Variants in DSCAM observed in about 807,000 individuals in gnomAD.
DSCAM encodes DS cell adhesion molecule.
A neutral mutation model predicts 217.7 loss-of-function variants in DSCAM; 47 were observed. The observed-to-expected ratio is 0.22, with a 90% CI of 0.17 to 0.28. The LOEUF is 0.28. Among genes scored for constraint, DSCAM ranks in the 10% least tolerant of loss-of-function variants. DSCAM has a pLI of 1.00. For synonymous variants in DSCAM, 1,056 were observed against 1,015.3 expected (o/e 1.04, Z -0.76); for missense variants, 2,080 against 2,618.3 (o/e 0.79, Z 4.49).
intron 16 of DSCAM, among the ~76,000 whole-genome samples, chr21:40,163,450 A>C (rs549689048): frequency 3.3e-5 from 5 of 152,186 alleles, no homozygotes; most frequent in Non-Finnish European, 7.3e-5. Context: ...ATTTACTTTT[A>C]ATTTTATTCA....
At chr21:40,787,164 C>T (rs9305704) in intron 1 of DSCAM, among the ~76,000 whole-genome samples, 69,553 of 152,112 alleles carry the variant, frequency 0.46, 17,639 homozygotes, top group South Asian at 0.66. Context: ...TGGCAGGTCC[C>T]TACTCAGGGG....
chr21:40,613,498 CAAG>C (rs1382629500), intron 3 of DSCAM, among the ~76,000 whole-genome samples: 2 of 152,054 alleles, frequency 1.3e-5, no homozygotes, highest in African/African-American at 4.8e-5. Context: ...CAAAATTAAA[CAAG>C]AGATTTCTCA....
At chr21:40,079,907 C>T (rs542265869) in intron 25 of DSCAM, among the ~76,000 whole-genome samples, 3 of 152,176 alleles carry the variant, frequency 2.0e-5, no homozygotes, top group East Asian at 2.0e-4. Context: ...TTCACACCAA[C>T]GCCCTTGATT....
chr21:40,758,880 A>T (rs547214250), intron 1 of DSCAM, among the ~76,000 whole-genome samples: 75 of 152,268 alleles, frequency 4.9e-4, no homozygotes, highest in African/African-American at 1.8e-3. Flanking sequence ...CTGACAGATG[A>T]TACATAGTAG....
intron 1 of DSCAM, among the ~76,000 whole-genome samples, chr21:40,715,895 C>T (rs1363605849): frequency 6.6e-6 from 1 of 151,910 alleles, no homozygotes; most frequent in Non-Finnish European, 1.5e-5. Flanking sequence ...CTCTTGTATC[C>T]TAAAAGTAGT....
At chr21:40,457,009 T>C (rs763936594) in intron 3 of DSCAM, among the ~76,000 whole-genome samples, 8 of 152,240 alleles carry the variant, frequency 5.3e-5, no homozygotes, top group Middle Eastern at 3.4e-3. Context: ...CAAAAGTCCA[T>C]AGGACAAAGA....
chr21:40,094,855 A>T (rs1218582420), intron 20 of DSCAM, among the ~76,000 whole-genome samples: 1 of 152,248 alleles, frequency 6.6e-6, no homozygotes, highest in Non-Finnish European at 1.5e-5. Flanking sequence ...AAATTGAAGC[A>T]TGTAGTACTC....
chr21:40,168,015 T>C (rs1380195039), intron 15 of DSCAM, among the ~76,000 whole-genome samples: 1 of 152,090 alleles, frequency 6.6e-6, no homozygotes, highest in African/African-American at 2.4e-5. Context: ...AAGCCGAGAT[T>C]GCGCCACTGC....
chr21:40,372,442 T>C (rs1014665083), intron 3 of DSCAM, among the ~76,000 whole-genome samples: 1 of 147,424 alleles, frequency 6.8e-6, no homozygotes, highest in Non-Finnish European at 1.5e-5. Context: ...TTCTAAAACA[T>C]AGTTCATACT....
chr21:40,256,620 G>C (rs557966137), intron 11 of DSCAM, among the ~76,000 whole-genome samples: 3 of 152,268 alleles, frequency 2.0e-5, no homozygotes, highest in Non-Finnish European at 1.5e-5. Flanking sequence ...TTCTTCCAGG[G>C]ACTTCAGTCT....
At chr21:40,370,252 C>T (rs924202104) in intron 3 of DSCAM, among the ~76,000 whole-genome samples, 1 of 145,928 alleles carries the variant, frequency 6.9e-6, no homozygotes, top group Non-Finnish European at 1.5e-5. Flanking sequence ...TGGTCTTTTA[C>T]TTTAAAAAAA....
Position 40,518,481 on chromosome 21 carries a change from TTATA to T in DSCAM, c.509-149240_509-149237del, listed in dbSNP as rs1453443461. Among the ~76,000 whole-genome samples, 14 of 5,808 alleles carry T rather than the reference TTATA, an allele frequency of 2.4e-3. 2 individuals carry two copies. Among genetic ancestry groups the T allele is most frequent in the African/African-American group, 0.017 (14 of 830 alleles). The allele number at this position is 5,808 out of a possible 152,430, so 3.8% of individuals were successfully genotyped here. ...ATATATAATATATATAATATATATT[TTATA>T]TATATATTATATATTATATATATAA... On this transcript the variant is annotated intron_variant, in intron 3 of 32. Transcript: ENST00000400454.
rs1244263667 is a variant in DSCAM at position 40,170,221 on chromosome 21, C to A, written c.2948-2933G>T. Among the ~76,000 whole-genome samples the A allele has an allele frequency of 3.9e-5, 6 of 152,190 alleles. No individual in the cohort carries two copies. In the East Asian group the frequency reaches 9.6e-4, roughly 24 times the overall value. On this transcript the variant is annotated intron_variant, in intron 15 of 32. Coordinates refer to ENST00000400454, the MANE Select transcript of DSCAM (RefSeq NM_001389.5). ...GTTTGCCGCCCATGCCTGTGAGCCT[C>A]CCGCTGCAGCTGACACCTGCCTAGG...
chr21:40,639,769 A>G (rs1030299341), intron 3 of DSCAM, among the ~76,000 whole-genome samples: 2 of 152,090 alleles, frequency 1.3e-5, no homozygotes, highest in Non-Finnish European at 2.9e-5. Flanking sequence ...GCCCCAGGAG[A>G]AATAAAAGCC....
chr21:40,082,415 G>A (rs866508847), intron 24 of DSCAM, among the ~76,000 whole-genome samples: 7 of 152,138 alleles, frequency 4.6e-5, no homozygotes, highest in Admixed American at 1.3e-4. Flanking sequence ...AGCCGAGATC[G>A]TGCCACTGCA....
rs534916438 is a variant in DSCAM at position 40,346,359 on chromosome 21, C to G, written c.1210+1311G>C. Among the ~76,000 whole-genome samples, 15 of 152,288 alleles carry G rather than the reference C, an allele frequency of 9.8e-5. No homozygotes were observed. The South Asian group carries it at 3.1e-3, about 32-fold the overall frequency. ...AGGAATCTCATTGCTAAACCTGCTACTTCTTAAAAAATTAGCTAAGGTTAA... is the reference window on the plus strand; with the variant it reads ...AGGAATCTCATTGCTAAACCTGCTAGTTCTTAAAAAATTAGCTAAGGTTAA... On this transcript the variant is annotated intron_variant, in intron 6 of 32. Coordinates refer to ENST00000400454, the MANE Select transcript of DSCAM (RefSeq NM_001389.5).
At chr21:40,117,478 G>A (rs186836951) in intron 20 of DSCAM, among the ~76,000 whole-genome samples, 80 of 152,202 alleles carry the variant, frequency 5.3e-4, no homozygotes, top group African/African-American at 1.8e-3. Context: ...GCGTGACCCT[G>A]GCCAGATTGC....
Position 40,142,716 on chromosome 21 carries a change from T to C in DSCAM, c.3260-12A>G, listed in dbSNP as rs376469114. ...GGGGTAACTGGGCACTGAAATCAAATAATTAGAATCTGTAATAACTGTGGG... is the reference window on the plus strand; with the variant it reads ...GGGGTAACTGGGCACTGAAATCAAACAATTAGAATCTGTAATAACTGTGGG... On this transcript the variant is annotated splice_polypyrimidine_tract_variant and intron_variant, in intron 17 of 32. Transcript: ENST00000400454. The C allele has an allele frequency of 7.8e-5, 125 of 1,612,868 alleles. No homozygotes were observed. The African/African-American group carries it at 1.4e-3, about 18-fold the overall frequency.
Position 40,369,112 on chromosome 21 carries a change from T to A in DSCAM, c.642A>T (p.Arg214Ser), listed in dbSNP as rs1282203424. The A allele has an allele frequency of 6.2e-7, 1 of 1,609,900 alleles. No individual in the cohort carries two copies. Among genetic ancestry groups the A allele is most frequent in the African/African-American group, 1.3e-5 (1 of 74,756 alleles). ...TGETRQSNSA[R>S]LFVSDPANSA... ...ATAAGTTTTTACCTGATACAAAAAG[T>A]CTGGCGCTGTTGCTCTGCCTCGTCT... Residue 214 changes from arginine (R) to serine (S), a missense_variant, in exon 4 of 33, where the codon AGA becomes AGT. Arg to Ser is a moderately radical substitution (Grantham distance 110). Around this residue, in one of 5 missense-constraint regions of DSCAM, gnomAD observed 568 missense variants for 678.1 expected, o/e 0.84. Coordinates refer to ENST00000400454, the MANE Select transcript of DSCAM (RefSeq NM_001389.5).
Sources: gnomAD v4.1 joint callset for allele counts (sites outside exome capture counted in the v4.1 genomes callset) on GRCh38, gnomAD v4.1.1 for gene constraint, gnomAD v4.1.1 regional missense constraint, MANE v1.5 for transcripts, NCBI Gene and HGNC (gene_info 2026-07-23, HGNC 2026-07-21) for gene names.